TBCK: variants seen among roughly 807,000 people sequenced by gnomAD.
TBCK encodes the protein TBC1 domain containing kinase.
In TBCK, 99 loss-of-function variants were observed where a neutral mutation model predicts 113.4. The ratio of observed to expected loss-of-function variants is 0.87; its 90% CI spans 0.74 to 1.03. TBCK has a LOEUF of 1.03. Among genes scored for constraint, TBCK ranks in the 50% least tolerant of loss-of-function variants. The pLI, the probability that TBCK is intolerant of heterozygous loss-of-function variation, is 0.00. For missense variants in TBCK, 1,045 were observed against 1,061.3 expected (o/e 0.98, Z 0.21); for synonymous variants, 369 against 370.8 (o/e 1.00, Z 0.05).
chr4:106,309,659 C>T (rs1299774077), intron 1 of TBCK, among the ~76,000 whole-genome samples: 1 of 152,082 alleles, frequency 6.6e-6, no homozygotes, highest in Non-Finnish European at 1.5e-5. Flanking sequence ...TGACAACCTT[C>T]CTTCTCATAC....
chr4:106,060,225 G>A (rs1439136247), intron 25 of TBCK, among the ~76,000 whole-genome samples: 2 of 151,774 alleles, frequency 1.3e-5, no homozygotes, highest in African/African-American at 4.8e-5. Flanking sequence ...TGCAAATGAA[G>A]CAGCCTTTGA....
At chr4:106,083,458 T>G (rs1277467969) in intron 25 of TBCK, among the ~76,000 whole-genome samples, 2 of 152,300 alleles carry the variant, frequency 1.3e-5, no homozygotes, top group East Asian at 3.9e-4. Flanking sequence ...CCCTGGGGGA[T>G]CGGGGAGGTG....
chr4:106,134,269 C>T (rs899003007), intron 23 of TBCK, among the ~76,000 whole-genome samples: 1 of 151,774 alleles, frequency 6.6e-6, no homozygotes, highest in Non-Finnish European at 1.5e-5. Context: ...GGTACACCAA[C>T]AGCTTAAATT....
rs1423039130 is a variant in TBCK at position 106,071,715 on chromosome 4, A to G, written c.2571+23767T>C. Among the ~76,000 whole-genome samples the G allele has an allele frequency of 6.6e-5, 10 of 152,208 alleles. No individual in the cohort carries two copies. In the East Asian group the frequency reaches 1.9e-3, roughly 29 times the overall value. ...CAGTGGGATGTTGAAGTCTCCCATT[A>G]TTATTGTGTGGGAGTCTAAGTCTCT... On this transcript the variant is annotated intron_variant, in intron 25 of 25. Coordinates refer to ENST00000394708, the MANE Select transcript of TBCK (RefSeq NM_001163435.3).
At chr4:106,050,290 C>A (rs1734663766) in intron 25 of TBCK, among the ~76,000 whole-genome samples, 2 of 151,694 alleles carry the variant, frequency 1.3e-5, no homozygotes, top group African/African-American at 4.8e-5. Flanking sequence ...GAAATAACAA[C>A]CAGAAAAAAA....
At chr4:106,314,581 C>T (rs1768550975) in intron 1 of TBCK, among the ~76,000 whole-genome samples, 1 of 146,076 alleles carries the variant, frequency 6.8e-6, no homozygotes, top group African/African-American at 2.5e-5. Context: ...GACAGTTGCA[C>T]TTTATTATTC....
At chr4:106,285,529 C>T (rs1765029303) in intron 3 of TBCK, among the ~76,000 whole-genome samples, 2 of 152,026 alleles carry the variant, frequency 1.3e-5, no homozygotes, top group Admixed American at 1.3e-4. Context: ...AGTTTTCATT[C>T]CCCTGATCCC....
chr4:106,248,222 C>A, intron 9 of TBCK, 23 bp downstream of exon 9: 1 of 1,527,436 alleles, frequency 6.5e-7, no homozygotes, highest in Non-Finnish European at 8.9e-7. Context: ...TCAATGTAAT[C>A]CCAATCTCTA....
intron 20 of TBCK, among the ~76,000 whole-genome samples, chr4:106,212,252 G>A (rs1756234129): frequency 6.6e-6 from 1 of 152,088 alleles, no homozygotes; most frequent in South Asian, 2.1e-4. Context: ...AAAAGGGCTT[G>A]ATTCTATGTG....
intron 20 of TBCK, among the ~76,000 whole-genome samples, chr4:106,195,504 G>GTGTGTA (rs1240872125): frequency 6.6e-6 from 1 of 151,904 alleles, no homozygotes; most frequent in South Asian, 2.1e-4. Context: ...GTGTGTGTGT[G>GTGTGTA]TGTGTTTGTG....
At chr4:106,166,913 A>G (rs1750431943) in intron 23 of TBCK, among the ~76,000 whole-genome samples, 1 of 151,214 alleles carries the variant, frequency 6.6e-6, no homozygotes, top group African/African-American at 2.4e-5. Flanking sequence ...TTGTCTCAAT[A>G]AAGAGTATAA....
chr4:106,172,776 T>C (rs561615216), intron 22 of TBCK, among the ~76,000 whole-genome samples: 2 of 152,242 alleles, frequency 1.3e-5, no homozygotes, highest in South Asian at 4.2e-4. Context: ...CCATCTATTA[T>C]GTGACAGGTA....
At chr4:106,177,387 G>A (rs970581485) in intron 22 of TBCK, among the ~76,000 whole-genome samples, 2 of 151,586 alleles carry the variant, frequency 1.3e-5, no homozygotes, top group Non-Finnish European at 2.9e-5. Flanking sequence ...GTGTTTTTGT[G>A]GTCTGACCTC....
intron 25 of TBCK, among the ~76,000 whole-genome samples, chr4:106,048,648 C>T (rs1248441879): frequency 6.6e-6 from 1 of 152,052 alleles, no homozygotes; most frequent in African/African-American, 2.4e-5. Context: ...ACCATTTAGG[C>T]CAGAATTCTA....
intron 5 of TBCK, among the ~76,000 whole-genome samples, chr4:106,257,967 A>G (rs1762165917): frequency 6.6e-6 from 1 of 152,068 alleles, no homozygotes; most frequent in Admixed American, 6.6e-5. Context: ...CAGCACATCT[A>G]ACCCAAAAAT....
chr4:106,075,564 G>C (rs1738081019), intron 25 of TBCK, among the ~76,000 whole-genome samples: 1 of 152,108 alleles, frequency 6.6e-6, no homozygotes, highest in African/African-American at 2.4e-5. Flanking sequence ...CTAGCACTTT[G>C]ATTGGCAATA....
At position 106,261,370 on chromosome 4, in the gene TBCK, A is replaced by C. The variant is rs554014011; in HGVS notation, c.381+728T>G. Among the ~76,000 whole-genome samples, 5 of 151,900 alleles carry C rather than the reference A, an allele frequency of 3.3e-5. No homozygotes were observed. The South Asian group carries it at 6.2e-4, about 19-fold the overall frequency. ...TGATTATAGCTCACTGCAGCCTCAA[A>C]CTCCTGGGCTCAAGCAATGTTCTCA... On this transcript the variant is annotated intron_variant, in intron 4 of 25. Coordinates refer to ENST00000394708, the MANE Select transcript of TBCK (RefSeq NM_001163435.3).
chr4:106,116,396 C>CA lies in TBCK; in HGVS notation c.2236-19dup, dbSNP rs200815502. ...TCTCTTGACTGAAAAAAAAAATGTA[C>CA]AAAAAAAAATATTGAGAATATTATA... is the stretch of plus-strand genomic sequence containing the variant. On this transcript the variant is annotated intron_variant, in intron 23 of 25. Transcript: ENST00000394708. 4.2e-3 allele frequency: 6,482 copies of CA among 1,545,470 alleles called. 14 individuals are homozygous for CA. Among genetic ancestry groups the CA allele is most frequent in the African/African-American group, 5.4e-3 (388 of 71,622 alleles).
chr4:106,183,205 A>G (rs1752610582), intron 22 of TBCK, among the ~76,000 whole-genome samples: 1 of 152,030 alleles, frequency 6.6e-6, no homozygotes, highest in Admixed American at 6.6e-5. Context: ...CATCTTCCAT[A>G]CTACAGCCAG....
Sources: allele counts gnomAD v4.1 joint callset (sites outside exome capture counted in the v4.1 genomes callset), GRCh38; gene constraint gnomAD v4.1.1; transcripts MANE v1.5; gene names NCBI Gene and HGNC (gene_info 2026-07-23, HGNC 2026-07-21).